Variants in PAX8 observed in about 807,000 individuals in gnomAD.
PAX8 encodes paired box protein Pax-8.
In PAX8, 15 loss-of-function variants were observed where a neutral mutation model predicts 52.4. The observed-to-expected ratio is 0.29, with a 90% CI of 0.19 to 0.44. The LOEUF is 0.44. PAX8 is among the 20% of genes least tolerant of loss of function. The pLI is 1.00. For synonymous variants in PAX8, 284 were observed against 249.7 expected (o/e 1.14, Z -1.29); for missense variants, 554 against 602.5 (o/e 0.92, Z 0.84).
At chr2:113,246,207 T>C (rs1011972844) in intron 3 of PAX8, among the ~76,000 whole-genome samples, 2 of 152,260 alleles carry the variant, frequency 1.3e-5, no homozygotes, top group African/African-American at 4.8e-5. Context: ...TCGGATTTAA[T>C]TGGTCTGCCC....
intron 2 of PAX8, chr2:113,275,131 C>T (rs1693712616): frequency 6.6e-6 from 1 of 152,040 alleles, no homozygotes; most frequent in South Asian, 2.1e-4. Context: ...CCTTCCACCC[C>T]CAAAAAGTTC....
At chr2:113,268,935 T>C (rs1693281733) in intron 2 of PAX8, 1 of 152,282 alleles carries the variant, frequency 6.6e-6, no homozygotes, top group Non-Finnish European at 1.5e-5. Flanking sequence ...GGCACCTGTC[T>C]AGACAGCCCC....
intron 2 of PAX8, among the ~76,000 whole-genome samples, chr2:113,251,212 C>A (rs1205581118): frequency 2.0e-5 from 3 of 152,166 alleles, no homozygotes; most frequent in South Asian, 2.1e-4. Context: ...GGTGAGTCAC[C>A]ACCAAATGCC....
chr2:113,229,563 C>T (rs1408805825), intron 9 of PAX8, among the ~76,000 whole-genome samples: 1 of 152,180 alleles, frequency 6.6e-6, no homozygotes. Context: ...GGGTGAAACC[C>T]ACTAGAATTC....
intron 9 of PAX8, 181 bp downstream of exon 9, chr2:113,235,213 G>A (rs1216839605): frequency 2.4e-5 from 14 of 588,082 alleles, no homozygotes; most frequent in South Asian, 4.1e-5. Flanking sequence ...CGCCCCTTCC[G>A]AGCATGTCTT....
chr2:113,218,329 G>T lies in PAX8; in HGVS notation c.*204C>A, dbSNP rs575199444. 8.8e-4 allele frequency: 361 copies of T among 409,020 alleles called. No homozygotes were observed. Among genetic ancestry groups the T allele is most frequent in the Non-Finnish European group, 1.4e-3 (317 of 231,928 alleles). 25.3% of individuals were successfully genotyped at this position (409,020 alleles called of 1,614,324 possible). On this transcript the variant is annotated 3_prime_UTR_variant, in exon 12 of 12. Coordinates refer to ENST00000429538, the MANE Select transcript of PAX8 (RefSeq NM_003466.4). ...CCTGGGACTCCTGCCCCTCATTAAGGAGTCTTGGAGGACAGTTTGGCCTTG... is the reference window on the plus strand; with the variant it reads ...CCTGGGACTCCTGCCCCTCATTAAGTAGTCTTGGAGGACAGTTTGGCCTTG...
At chr2:113,226,585 T>A (rs1264983036) in intron 10 of PAX8, 18 of 1,048,084 alleles carry the variant, frequency 1.7e-5, no homozygotes, top group African/African-American at 3.3e-5. Context: ...TATAGTACTC[T>A]TAGAGTACCT....
At chr2:113,243,528 A>C (rs1691052603) in intron 4 of PAX8, among the ~76,000 whole-genome samples, 1 of 152,078 alleles carries the variant, frequency 6.6e-6, no homozygotes, top group Admixed American at 6.6e-5. Context: ...AGTAGCTAGG[A>C]TTACAGGCAC....
chr2:113,242,829 T>C (rs751355632), intron 4 of PAX8, 51 bp from the exon 5 acceptor site: 5 of 1,434,160 alleles, frequency 3.5e-6, no homozygotes, highest in Non-Finnish European at 4.9e-6. Context: ...GAAAGAGAAC[T>C]CATGGCTGCC....
At chr2:113,252,030 C>A (rs1195313311) in intron 2 of PAX8, among the ~76,000 whole-genome samples, 1 of 152,168 alleles carries the variant, frequency 6.6e-6, no homozygotes, top group Non-Finnish European at 1.5e-5. Context: ...TGGTGGGACC[C>A]CCAAATCCCA....
At chr2:113,236,815 C>T in intron 7 of PAX8, 94 bp from the exon 8 acceptor site, 2 of 1,453,748 alleles carry the variant, frequency 1.4e-6, no homozygotes, top group Non-Finnish European at 1.8e-6. Flanking sequence ...TGGCAGCCCT[C>T]ATCTCCCCAG....
Position 113,220,086 on chromosome 2 carries a change from A to T in PAX8, c.1276+6T>A. 6.2e-7 allele frequency: 1 copy of T among 1,610,304 alleles called. No individual in the cohort carries two copies. The highest frequency in any genetic ancestry group is 8.5e-7 in the Non-Finnish European group (1 of 1,177,130). On this transcript the variant is annotated splice_donor_region_variant and intron_variant, in intron 11 of 11. Coordinates refer to ENST00000429538, the MANE Select transcript of PAX8 (RefSeq NM_003466.4). ...AGCAGAGGCCTGGGCAGCCCCAGGG[A>T]CTTACTCAGCAAGCTGGAGTTGGGG...
intron 7 of PAX8, chr2:113,236,956 TAG>T: frequency 3.5e-6 from 2 of 568,402 alleles, no homozygotes; most frequent in South Asian, 2.2e-5. Flanking sequence ...AGACGTGGGA[TAG>T]AGAGTCTCAG....
chr2:113,248,382 A>G (rs1404906454), intron 2 of PAX8, among the ~76,000 whole-genome samples: 1 of 152,164 alleles, frequency 6.6e-6, no homozygotes. Flanking sequence ...TGTGCTGAAC[A>G]TGCCATGGTC....
chr2:113,253,710 C>T (rs1332566020), intron 2 of PAX8, among the ~76,000 whole-genome samples: 1 of 152,164 alleles, frequency 6.6e-6, no homozygotes, highest in Non-Finnish European at 1.5e-5. Flanking sequence ...AGAGTAGGTT[C>T]AGGCTTCTGT....
chr2:113,222,232 A>C (rs758931398), intron 10 of PAX8, among the ~76,000 whole-genome samples: 10 of 152,122 alleles, frequency 6.6e-5, no homozygotes, highest in African/African-American at 9.7e-5. Context: ...CCGATTCTCT[A>C]CTGGCCACAC....
In PAX8 at chr2:113,236,894, A is replaced by T. The variant is rs1690406793; in HGVS notation, c.778-173T>A. 4.2e-6 allele frequency: 3 copies of T among 718,136 alleles called. No homozygotes were observed. The Admixed American group carries it at 9.1e-5, about 22-fold the overall frequency. 44.5% of individuals were successfully genotyped at this position (718,136 alleles called of 1,614,324 possible). On this transcript the variant is annotated intron_variant, in intron 7 of 11. Transcript: ENST00000429538. ...CACTCGGCACGTTTCGTTCATGCTC[A>T]TTGTCCTCCCGCATCCCTGGAATTC... is the stretch of plus-strand genomic sequence containing the variant.
intron 6 of PAX8, 26 bp from the exon 7 acceptor site, chr2:113,241,752 G>A: frequency 6.2e-7 from 1 of 1,611,572 alleles, no homozygotes; most frequent in Non-Finnish European, 8.5e-7. Flanking sequence ...AAGGAAGAAA[G>A]CTTTTAGGGG....
intron 2 of PAX8, among the ~76,000 whole-genome samples, chr2:113,248,506 G>A (rs552595807): frequency 3.3e-5 from 5 of 152,334 alleles, no homozygotes; most frequent in African/African-American, 1.2e-4. Flanking sequence ...CCTTCTGTGT[G>A]AACCAGTTAA....
Sources: allele counts gnomAD v4.1 joint callset (sites outside exome capture counted in the v4.1 genomes callset), GRCh38; gene constraint gnomAD v4.1.1; transcripts MANE v1.5; gene names NCBI Gene and HGNC (gene_info 2026-07-23, HGNC 2026-07-21).